The following SIPA1L3 variants were observed in gnomAD, a reference collection of about 807,000 sequenced individuals.
The protein encoded by SIPA1L3 is signal induced proliferation associated 1 like 3, also known as signal-induced proliferation-associated 1-like protein 3.
Under a neutral mutation model 150.1 loss-of-function variants are expected in SIPA1L3, and 59 were observed. The ratio of observed to expected loss-of-function variants is 0.39; its 90% CI spans 0.32 to 0.49. The LOEUF (loss-of-function observed/expected upper bound fraction) is 0.49. SIPA1L3 is among the 20% of genes least tolerant of loss of function. The pLI, the probability that SIPA1L3 is intolerant of heterozygous loss-of-function variation, is 0.86. For synonymous variants in SIPA1L3, 1,070 were observed against 1,077.6 expected (o/e 0.99, Z 0.14); for missense variants, 2,211 against 2,489.5 (o/e 0.89, Z 2.38).
intron 2 of SIPA1L3, among the ~76,000 whole-genome samples, chr19:38,030,510 C>G (rs1968621642): frequency 6.6e-6 from 1 of 151,332 alleles, no homozygotes; most frequent in Non-Finnish European, 1.5e-5. Context: ...GCTGTGAGAC[C>G]CTGTCTCAAA....
chr19:37,983,326 G>A (rs1967247361), intron 1 of SIPA1L3, among the ~76,000 whole-genome samples: 1 of 152,124 alleles, frequency 6.6e-6, no homozygotes, highest in Admixed American at 6.5e-5. Flanking sequence ...GGGTGACCTC[G>A]GACAAGGGAC....
chr19:37,976,208 A>T (rs1967072851), intron 1 of SIPA1L3, among the ~76,000 whole-genome samples: 1 of 151,966 alleles, frequency 6.6e-6, no homozygotes. Flanking sequence ...TCCACCAAAC[A>T]TGCCCACGGC....
intron 8 of SIPA1L3, among the ~76,000 whole-genome samples, chr19:38,118,380 GCGCCAC>G (rs1427683241): frequency 6.8e-6 from 1 of 147,104 alleles, no homozygotes; most frequent in Non-Finnish European, 1.5e-5. Context: ...AGCCGAGATT[GCGCCAC>G]TGCCCTGAGG....
intron 13 of SIPA1L3, among the ~76,000 whole-genome samples, chr19:38,158,102 G>A (rs558116867): frequency 9.4e-4 from 143 of 152,120 alleles, no homozygotes; most frequent in Non-Finnish European, 5.9e-4. Flanking sequence ...GCATAGTGGC[G>A]GGCACCTGTA....
chr19:37,922,768 A>G (rs1205046712), intron 1 of SIPA1L3, among the ~76,000 whole-genome samples: 1 of 152,064 alleles, frequency 6.6e-6, no homozygotes, highest in Non-Finnish European at 1.5e-5. Context: ...TGAGGAAAAC[A>G]GACAAGGGTT....
chr19:37,920,103 A>C (rs1568463781), intron 1 of SIPA1L3, among the ~76,000 whole-genome samples: 1 of 146,598 alleles, frequency 6.8e-6, no homozygotes, highest in Non-Finnish European at 1.5e-5. Context: ...TCTATCACCC[A>C]GGCTGGAGTA....
chr19:37,921,678 G>A (rs375486208), intron 1 of SIPA1L3, among the ~76,000 whole-genome samples: 5 of 150,220 alleles, frequency 3.3e-5, no homozygotes, highest in East Asian at 3.9e-4. Flanking sequence ...ACAACTCACC[G>A]CAACCTCGAA....
rs889680443 is a variant in SIPA1L3, at chr19:38,102,698, G to A, written c.2029+1472G>A. 2.6e-5 allele frequency among the ~76,000 whole-genome samples: 4 copies of A among 152,284 alleles called. No individual in the cohort carries two copies. The East Asian group carries it at 7.7e-4, about 29-fold the overall frequency. On this transcript the variant is annotated intron_variant, in intron 6 of 21. Coordinates refer to ENST00000222345, the MANE Select transcript of SIPA1L3 (RefSeq NM_015073.3). ...AAAGAAAAACAGAGCCAAGCGTGGT[G>A]GCTCATGCCTGTGATCCCAGCACTT...
chr19:37,947,429 C>T (rs1375399295), intron 1 of SIPA1L3, among the ~76,000 whole-genome samples: 1 of 146,032 alleles, frequency 6.8e-6, no homozygotes, highest in East Asian at 2.0e-4. Context: ...GCAGAGGTTG[C>T]AGTGAGCCAA....
At chr19:38,162,139 T>C in intron 13 of SIPA1L3, 114 bp from the exon 14 acceptor site, 2 of 771,056 alleles carry the variant, frequency 2.6e-6, no homozygotes, top group Non-Finnish European at 4.6e-6. Context: ...CTCCAAGGTG[T>C]AAATTGATGG....
intron 1 of SIPA1L3, among the ~76,000 whole-genome samples, chr19:37,939,118 C>T (rs2046628616): frequency 2.0e-5 from 3 of 152,110 alleles, no homozygotes; most frequent in African/African-American, 7.2e-5. Context: ...CACAGTGATC[C>T]ACTCTTTGAA....
chr19:38,016,886 C>CTT lies in SIPA1L3; in HGVS notation c.-378-12176_-378-12175dup, dbSNP rs58459050. ...ATACTTCTTTTTCTGCCTCCTCTGG[C>CTT]TTTTTTTTTTTTTTTTTTTTTTTTT... On this transcript the variant is annotated intron_variant, in intron 1 of 21. Coordinates refer to ENST00000222345, the MANE Select transcript of SIPA1L3 (RefSeq NM_015073.3). 1.0e-3 allele frequency among the ~76,000 whole-genome samples: 69 copies of CTT among 69,140 alleles called. 13 individuals are homozygous for CTT. The highest frequency in any genetic ancestry group is 2.4e-3 in the African/African-American group (36 of 15,052). The allele number at this position is 69,140 out of a possible 152,430, so 45.4% of individuals were successfully genotyped here.
At position 38,081,753 on chromosome 19, in the gene SIPA1L3, C is replaced by A. The variant is rs71354966; in HGVS notation, c.188C>A (p.Ala63Asp). ...SPATATATAT[A>D]TTRPSPTTPA... ...GCCACCGCCACCGCCACCGCCACCG[C>A]CACCACCCGCCCCAGCCCCACCACT... Residue 63 changes from alanine (A) to aspartate (D), a missense_variant, in exon 3 of 22, where the codon GCC (alanine) becomes GAC (aspartate). Coordinates refer to ENST00000222345, the MANE Select transcript of SIPA1L3 (RefSeq NM_015073.3). The A allele has an allele frequency of 6.2e-7, 1 of 1,603,216 alleles. No homozygotes were observed. The highest frequency in any genetic ancestry group is 1.3e-5 in the African/African-American group (1 of 74,838).
chr19:38,022,927 C>G (rs1052962570), intron 1 of SIPA1L3, among the ~76,000 whole-genome samples: 7 of 152,164 alleles, frequency 4.6e-5, no homozygotes, highest in Admixed American at 3.9e-4. Flanking sequence ...CAAGAAGTTG[C>G]CAGATAGCTC....
At position 38,140,766 on chromosome 19, in the gene SIPA1L3, G is replaced by A. The variant is rs565212879; in HGVS notation, c.3144-418G>A. On this transcript the variant is annotated intron_variant, in intron 10 of 21. Coordinates refer to ENST00000222345, the MANE Select transcript of SIPA1L3 (RefSeq NM_015073.3). ...GAGTATTCACTCGACTTTTAAAATAGGCCATCCCCAGCCGGGCGCGGTGGC... is the reference window on the plus strand; with the variant it reads ...GAGTATTCACTCGACTTTTAAAATAAGCCATCCCCAGCCGGGCGCGGTGGC... Among the ~76,000 whole-genome samples, 6 of 152,156 alleles carry A rather than the reference G, an allele frequency of 3.9e-5. No homozygotes were observed. The East Asian group carries it at 1.2e-3, about 29-fold the overall frequency.
At chr19:38,115,094 AG>A (rs1244554975) in intron 8 of SIPA1L3, among the ~76,000 whole-genome samples, 2 of 152,234 alleles carry the variant, frequency 1.3e-5, no homozygotes, top group African/African-American at 4.8e-5. Context: ...TGCTGCATCC[AG>A]GGACTAGCCA....
chr19:38,073,118 A>G (rs1267935993), intron 2 of SIPA1L3, among the ~76,000 whole-genome samples: 2 of 152,346 alleles, frequency 1.3e-5, no homozygotes, highest in East Asian at 3.9e-4. Context: ...GATTGCAGCA[A>G]GGGGAATGTT....
intron 1 of SIPA1L3, among the ~76,000 whole-genome samples, chr19:37,992,805 C>T (rs903691010): frequency 6.6e-6 from 1 of 152,090 alleles, no homozygotes; most frequent in African/African-American, 2.4e-5. Flanking sequence ...CCTTTCTGGA[C>T]TGAAGAACAT....
rs773479601 is a variant in SIPA1L3, at chr19:38,164,636, C to A, written c.3938C>A (p.Thr1313Asn). ...KGGSSDSGID[T>N]TLYTSSPSCM... ...GGCTCTAGTGACAGCGGCATCGACA[C>A]CACCCTCTACACCTCCAGCCCTAGC... The change falls in exon 15 of 22, where the codon ACC becomes AAC. Residue 1313 changes from threonine to asparagine, a missense_variant. Thr to Asn is a moderately conservative substitution (Grantham distance 65, BLOSUM62 0). Transcript: ENST00000222345. The surrounding 1 kb of genome is among the most constrained non-coding windows in gnomAD (Gnocchi z 4.1). 4 of 1,614,208 alleles carry A rather than the reference C, an allele frequency of 2.5e-6. No homozygotes were observed. The South Asian group carries it at 4.4e-5, about 18-fold the overall frequency.
Sources: allele counts gnomAD v4.1 joint callset (sites outside exome capture counted in the v4.1 genomes callset), GRCh38; gene constraint gnomAD v4.1.1; non-coding constraint Gnocchi (gnomAD v3.1); transcripts MANE v1.5; gene names NCBI Gene and HGNC (gene_info 2026-07-23, HGNC 2026-07-21).